The following PTPRD variants were observed in gnomAD, a reference collection of about 807,000 sequenced individuals.
The protein encoded by PTPRD is protein tyrosine phosphatase receptor type D, also known as receptor-type tyrosine-protein phosphatase delta.
Under a neutral mutation model 214.5 loss-of-function variants are expected in PTPRD, and 34 were observed. The ratio of observed to expected loss-of-function variants is 0.16; its 90% CI spans 0.12 to 0.21. PTPRD has a LOEUF of 0.21. Among genes scored for constraint, PTPRD ranks in the 10% least tolerant of loss-of-function variants. PTPRD has a pLI of 1.00. For missense variants in PTPRD, 2,545 were observed against 2,398.7 expected, an observed-to-expected ratio of 1.06 and a Z score of -1.27; for synonymous variants, 1,128 against 845.7, an observed-to-expected ratio of 1.33 and a Z score of -5.79.
chr9:8,380,990 A>G (rs1419559531), intron 37 of PTPRD, among the ~76,000 whole-genome samples: 2 of 152,232 alleles, frequency 1.3e-5, no homozygotes, highest in Admixed American at 1.3e-4. Context: ...TAACAAACTG[A>G]TACCTTGAAA....
intron 2 of PTPRD, among the ~76,000 whole-genome samples, chr9:10,611,964 A>G (rs1256476600): frequency 1.4e-5 from 2 of 144,768 alleles, no homozygotes; most frequent in Non-Finnish European, 3.0e-5. Flanking sequence ...CAACCAACCA[A>G]CTGAAGTCAG....
At chr9:8,478,585 T>A (rs2096815299) in intron 30 of PTPRD, among the ~76,000 whole-genome samples, 1 of 152,172 alleles carries the variant, frequency 6.6e-6, no homozygotes, top group African/African-American at 2.4e-5. Context: ...AGAAGTTCCC[T>A]ATGTCATTAC....
At position 9,295,533 on chromosome 9, in the gene PTPRD, C is replaced by G. The variant is rs971667498; in HGVS notation, c.-203+101916G>C. 1.5e-4 allele frequency among the ~76,000 whole-genome samples: 23 copies of G among 151,700 alleles called. No homozygotes were observed. The Admixed American group carries it at 1.5e-3, about 10-fold the overall frequency. The stretch of plus-strand genomic sequence containing the variant: ...CAACCAAATAACTACTTGAAACATA[C>G]TTTATTGCAAGGGTAGCTATGTCCA... On this transcript the variant is annotated intron_variant, in intron 9 of 45. Coordinates refer to ENST00000381196, the MANE Select transcript of PTPRD (RefSeq NM_002839.4).
At chr9:10,024,762 T>C (rs1473197005) in intron 4 of PTPRD, among the ~76,000 whole-genome samples, 3 of 142,772 alleles carry the variant, frequency 2.1e-5, no homozygotes, top group Non-Finnish European at 4.6e-5. Context: ...GTATATCTCC[T>C]AATGCTATCC....
At chr9:9,772,211 G>A (rs1597368655) in intron 5 of PTPRD, among the ~76,000 whole-genome samples, 1 of 152,070 alleles carries the variant, frequency 6.6e-6, no homozygotes, top group East Asian at 1.9e-4. Flanking sequence ...CAGACCACAT[G>A]AAGACACAGA....
At chr9:8,861,394 C>T (rs1335941877) in intron 11 of PTPRD, 1 of 152,118 alleles carries the variant, frequency 6.6e-6, no homozygotes, top group Non-Finnish European at 1.5e-5. Flanking sequence ...TAGGAAAAAA[C>T]ACAGAGTGCA....
intron 9 of PTPRD, among the ~76,000 whole-genome samples, chr9:9,316,620 A>G (rs1963305298): frequency 6.6e-6 from 1 of 152,152 alleles, no homozygotes; most frequent in African/African-American, 2.4e-5. Flanking sequence ...GGTTAAGAGC[A>G]AAATAGCCCA....
At chr9:10,105,924 G>A (rs62537307) in intron 3 of PTPRD, among the ~76,000 whole-genome samples, 1 of 142,944 alleles carries the variant, frequency 7.0e-6, no homozygotes, top group Non-Finnish European at 1.5e-5. Flanking sequence ...CTCACATTTT[G>A]TTGGCCAAAG....
chr9:8,647,093 G>A (rs2096710995), intron 12 of PTPRD, among the ~76,000 whole-genome samples: 1 of 152,328 alleles, frequency 6.6e-6, no homozygotes, highest in Non-Finnish European at 1.5e-5. Flanking sequence ...GCTGGCAAAT[G>A]TAGCACAGCC....
chr9:9,949,260 G>C (rs1030897906), intron 4 of PTPRD, among the ~76,000 whole-genome samples: 7 of 151,952 alleles, frequency 4.6e-5, no homozygotes, highest in African/African-American at 1.5e-4. Flanking sequence ...ACACTTTTTA[G>C]AGATTTTAAA....
intron 8 of PTPRD, among the ~76,000 whole-genome samples, chr9:9,423,475 C>G (rs2079610008): frequency 6.6e-6 from 1 of 152,088 alleles, no homozygotes; most frequent in African/African-American, 2.4e-5. Context: ...TAAAGCTACC[C>G]AGTTAATGAT....
intron 3 of PTPRD, among the ~76,000 whole-genome samples, chr9:10,125,374 T>G (rs187087608): frequency 3.5e-4 from 53 of 150,336 alleles, no homozygotes; most frequent in African/African-American, 1.2e-3. Context: ...TTTTTTCTTT[T>G]CGTTTTTATC....
At chr9:8,942,515 G>C (rs1350137609) in intron 11 of PTPRD, among the ~76,000 whole-genome samples, 4 of 152,052 alleles carry the variant, frequency 2.6e-5, no homozygotes, top group African/African-American at 9.7e-5. Context: ...AGTGTGGCCA[G>C]GGAAAAAATC....
intron 44 of PTPRD, among the ~76,000 whole-genome samples, chr9:8,329,079 G>A (rs921571564): frequency 6.6e-6 from 1 of 152,086 alleles, no homozygotes; most frequent in Non-Finnish European, 1.5e-5. Context: ...TTGCTGGCGA[G>A]GAGTTGTGAT....
chr9:10,031,515 G>T (rs1486601736), intron 4 of PTPRD, among the ~76,000 whole-genome samples: 1 of 150,980 alleles, frequency 6.6e-6, no homozygotes, highest in Non-Finnish European at 1.5e-5. Flanking sequence ...AACATCGGAT[G>T]CCAGGTTCTT....
chr9:9,818,398 A>G (rs2761750), intron 5 of PTPRD, among the ~76,000 whole-genome samples: 84,913 of 151,942 alleles, frequency 0.56, 26,588 homozygotes, highest in East Asian at 0.88. Flanking sequence ...TGGTGTGACA[A>G]GTAAGGGAAT....
At chr9:10,584,858 T>C (rs2073382719) in intron 2 of PTPRD, among the ~76,000 whole-genome samples, 1 of 152,204 alleles carries the variant, frequency 6.6e-6, no homozygotes, top group Admixed American at 6.5e-5. Flanking sequence ...CTTGGACTAT[T>C]TCTGAACCAG....
In PTPRD at chr9:10,285,490, G is replaced by T. The variant is rs1355494018; in HGVS notation, c.-545+55473C>A. Among the ~76,000 whole-genome samples, 3 of 151,272 alleles carry T rather than the reference G, an allele frequency of 2.0e-5. No homozygotes were observed. In the South Asian group the frequency reaches 6.3e-4, roughly 32 times the overall value. On this transcript the variant is annotated intron_variant, in intron 3 of 45. Coordinates refer to ENST00000381196, the MANE Select transcript of PTPRD (RefSeq NM_002839.4). ...AATTATTCTTATAGAAACATTACAT[G>T]ATTTTTAAAAAGCACACACAGCCTT...
chr9:10,562,845 T>G (rs542122832), intron 2 of PTPRD, among the ~76,000 whole-genome samples: 1 of 152,214 alleles, frequency 6.6e-6, no homozygotes, highest in East Asian at 1.9e-4. Context: ...CAAGATTTGC[T>G]CAGATACTTG....
Sources: allele counts gnomAD v4.1 joint callset (sites outside exome capture counted in the v4.1 genomes callset), GRCh38; gene constraint gnomAD v4.1.1; transcripts MANE v1.5; gene names NCBI Gene and HGNC (gene_info 2026-07-23, HGNC 2026-07-21).